The following RAP1GAP2 variants were observed in gnomAD, a reference collection of about 807,000 sequenced individuals.
The protein encoded by RAP1GAP2 is RAP1 GTPase activating protein 2, also known as rap1 GTPase-activating protein 2.
In RAP1GAP2, 27 loss-of-function variants were observed where a neutral mutation model predicts 95.0. The observed-to-expected ratio is 0.28, with a 90% CI of 0.21 to 0.39. The LOEUF is 0.39. RAP1GAP2 is among the 10% of genes least tolerant of loss of function. RAP1GAP2 has a pLI of 1.00. For missense variants in RAP1GAP2, 771 were observed against 970.0 expected (o/e 0.79, Z 2.72); for synonymous variants, 373 against 380.9 (o/e 0.98, Z 0.24).
At chr17:3,012,259 C>G (rs1168929960) in intron 17 of RAP1GAP2, among the ~76,000 whole-genome samples, 1 of 151,968 alleles carries the variant, frequency 6.6e-6, no homozygotes, top group Non-Finnish European at 1.5e-5. Context: ...TCTGCTGGTT[C>G]TACAAACACT....
intron 2 of RAP1GAP2, among the ~76,000 whole-genome samples, chr17:2,839,001 G>T (rs887665538): frequency 6.6e-6 from 1 of 151,638 alleles, no homozygotes; most frequent in Non-Finnish European, 1.5e-5. Context: ...TTTTTTTTAA[G>T]GTTTAAAAAT....
At position 2,936,585 on chromosome 17, in the gene RAP1GAP2, G is replaced by A. The variant is rs188536694; in HGVS notation, c.166-21174G>A. The stretch of plus-strand genomic sequence containing the variant: ...TCAGCAGGCCAGTTAACCTCTCTGA[G>A]CTTTAGTTACCCTCCCCCGGTGCCC... On this transcript the variant is annotated intron_variant, in intron 3 of 24. Coordinates refer to ENST00000254695, the MANE Select transcript of RAP1GAP2 (RefSeq NM_015085.5). Among the ~76,000 whole-genome samples the A allele has an allele frequency of 1.9e-3, 295 of 152,024 alleles. 3 individuals are homozygous for A. Among genetic ancestry groups the A allele is most frequent in the African/African-American group, 6.2e-3 (258 of 41,452 alleles).
intron 3 of RAP1GAP2, among the ~76,000 whole-genome samples, chr17:2,927,223 G>C (rs1050168023): frequency 6.6e-6 from 1 of 150,832 alleles, no homozygotes; most frequent in Non-Finnish European, 1.5e-5. Context: ...GCGCGATCTC[G>C]GCTCACTGCA....
At chr17:2,951,234 G>A (rs2043912466) in intron 3 of RAP1GAP2, among the ~76,000 whole-genome samples, 1 of 152,244 alleles carries the variant, frequency 6.6e-6, no homozygotes, top group African/African-American at 2.4e-5. Flanking sequence ...TGTGTGCCGA[G>A]CTGCTTCTCT....
At chr17:2,911,855 A>C (rs1172908889) in intron 3 of RAP1GAP2, among the ~76,000 whole-genome samples, 1 of 152,116 alleles carries the variant, frequency 6.6e-6, no homozygotes, top group Non-Finnish European at 1.5e-5. Flanking sequence ...GACACAGAGC[A>C]TTTCACTGAA....
Position 2,820,891 on chromosome 17 carries a change from G to GTTTTTTTTTTTTTTTT in RAP1GAP2, c.80+20341_80+20342insTTTTTTTTTTTTTTTT, listed in dbSNP as rs1475267891. Among the ~76,000 whole-genome samples, 109 of 113,990 alleles carry GTTTTTTTTTTTTTTTT rather than the reference G, an allele frequency of 9.6e-4. 3 individuals are homozygous for GTTTTTTTTTTTTTTTT. The highest frequency in any genetic ancestry group is 4.7e-3 in the Middle Eastern group (1 of 214). 74.8% of individuals were successfully genotyped at this position (113,990 alleles called of 152,430 possible). A position where few individuals can be genotyped will look rare whatever the true frequency, so the allele number is the denominator to read the frequency against. On this transcript the variant is annotated intron_variant, in intron 2 of 24. Coordinates refer to ENST00000254695, the MANE Select transcript of RAP1GAP2 (RefSeq NM_015085.5). ...TGCCCGCCACCACGGCCCGGATAAT[G>GTTTTTTTTTTTTTTTT]GTTTTTTTTTTTTTTTTTGTATTTT...
chr17:3,026,245 C>G (rs1281274730), intron 20 of RAP1GAP2, 105 bp from the exon 21 acceptor site: 6 of 1,309,046 alleles, frequency 4.6e-6, no homozygotes, highest in Admixed American at 4.0e-5. Context: ...ACACAAAGGC[C>G]GACGGGTGGG....
chr17:3,009,720 G>A (rs905434579), intron 17 of RAP1GAP2, among the ~76,000 whole-genome samples: 3 of 152,202 alleles, frequency 2.0e-5, no homozygotes, highest in Non-Finnish European at 4.4e-5. Flanking sequence ...CCAGGCTGGT[G>A]GGTGATTCCT....
At chr17:2,771,972 C>A (rs2068407346) in intron 2 of RAP1GAP2, among the ~76,000 whole-genome samples, 1 of 152,000 alleles carries the variant, frequency 6.6e-6, no homozygotes, top group African/African-American at 2.4e-5. Flanking sequence ...CTCAAGTGAT[C>A]CTCCTGACTC....
In RAP1GAP2 at chr17:3,005,203, G is replaced by A; in HGVS notation, c.1201-166G>A. 3 of 728,476 alleles carry A rather than the reference G, an allele frequency of 4.1e-6. No homozygotes were observed. In the South Asian group the frequency reaches 4.7e-5, roughly 11 times the overall value. 45.1% of individuals were successfully genotyped at this position (728,476 alleles called of 1,614,324 possible). ...CCCACACCGTCCGGCCCCACTTCTA[G>A]GAACAGGGTCAGGGCCTGTGCTGGC... On this transcript the variant is annotated intron_variant, in intron 14 of 24. Coordinates refer to ENST00000254695, the MANE Select transcript of RAP1GAP2 (RefSeq NM_015085.5). This position sits in a 1 kb window ranked among gnomAD's most constrained non-coding sequence, Gnocchi z 5.2.
At chr17:2,771,486 G>GTTTGT (rs2068393637) in intron 2 of RAP1GAP2, among the ~76,000 whole-genome samples, 1 of 123,476 alleles carries the variant, frequency 8.1e-6, no homozygotes, top group African/African-American at 3.3e-5. Flanking sequence ...CCACTTTTTT[G>GTTTGT]TTTTTTTTTT....
At chr17:2,967,201 T>A (rs928771456) in intron 8 of RAP1GAP2, among the ~76,000 whole-genome samples, 1 of 151,992 alleles carries the variant, frequency 6.6e-6, no homozygotes, top group Non-Finnish European at 1.5e-5. Context: ...ACCCCGTCTC[T>A]ACTAAAAATA....
chr17:2,759,656 G>A (rs2071208644), intron 1 of RAP1GAP2, among the ~76,000 whole-genome samples: 1 of 152,014 alleles, frequency 6.6e-6, no homozygotes, highest in South Asian at 2.1e-4. Flanking sequence ...TCACCATGTT[G>A]GCCAGGCTGG....
At chr17:2,767,772 T>G (rs561736782) in intron 1 of RAP1GAP2, among the ~76,000 whole-genome samples, 141 of 151,020 alleles carry the variant, frequency 9.3e-4, no homozygotes, top group African/African-American at 3.3e-3. Flanking sequence ...TCACTCTCTC[T>G]CCCAGGCTGG....
At chr17:2,960,445 A>G (rs1335721901) in intron 4 of RAP1GAP2, among the ~76,000 whole-genome samples, 1 of 152,140 alleles carries the variant, frequency 6.6e-6, no homozygotes, top group Non-Finnish European at 1.5e-5. Context: ...TTCAGTGGGA[A>G]CGGCCCTCCC....
At chr17:2,909,604 A>G (rs1297140104) in intron 3 of RAP1GAP2, among the ~76,000 whole-genome samples, 1 of 152,350 alleles carries the variant, frequency 6.6e-6, no homozygotes, top group Middle Eastern at 3.4e-3. Flanking sequence ...GCGCTCTCCC[A>G]TGACAGGCTG....
At chr17:2,989,492 C>T (rs1324168037) in intron 11 of RAP1GAP2, among the ~76,000 whole-genome samples, 2 of 152,058 alleles carry the variant, frequency 1.3e-5, no homozygotes, top group African/African-American at 2.4e-5. Flanking sequence ...GCCACTATGC[C>T]CAGCTGATTT....
chr17:2,907,241 A>G (rs2042227969), intron 3 of RAP1GAP2, among the ~76,000 whole-genome samples: 1 of 152,106 alleles, frequency 6.6e-6, no homozygotes, highest in South Asian at 2.1e-4. Flanking sequence ...GCCCACCTAA[A>G]CCATAAGAAC....
In RAP1GAP2 at chr17:2,841,303, A is replaced by ATTTT. The variant is rs35885315; in HGVS notation, c.80+40768_80+40771dup. ...AGAAAAGTTACAAGAGATATGGGGA[A>ATTTT]TTTTTTTTTTTTTTTTTTGAGACGG... On this transcript the variant is annotated intron_variant, in intron 2 of 24. Transcript: ENST00000254695. Among the ~76,000 whole-genome samples, 12 of 127,004 alleles carry ATTTT rather than the reference A, an allele frequency of 9.4e-5. 1 individual carries two copies. The highest frequency in any genetic ancestry group is 9.0e-5 in the African/African-American group (3 of 33,270). The allele number at this position is 127,004 out of a possible 152,430, so 83.3% of individuals were successfully genotyped here.
Sources: gnomAD v4.1 joint callset for allele counts (sites outside exome capture counted in the v4.1 genomes callset) on GRCh38, gnomAD v4.1.1 for gene constraint, Gnocchi (gnomAD v3.1) non-coding constraint, MANE v1.5 for transcripts, NCBI Gene and HGNC (gene_info 2026-07-23, HGNC 2026-07-21) for gene names.